The following GNB1L variants were observed in gnomAD, a reference collection of about 807,000 sequenced individuals.
GNB1L encodes guanine nucleotide-binding protein subunit beta-like protein 1.
A neutral mutation model predicts 29.1 loss-of-function variants in GNB1L; 20 were observed. The observed-to-expected ratio is 0.69, with a 90% CI of 0.48 to 1.00. GNB1L has a LOEUF of 1.00. Ranked by LOEUF, GNB1L falls within the 50% of genes least tolerant of loss-of-function variation. The pLI is 0.00. For missense variants in GNB1L, 421 were observed against 464.9 expected (o/e 0.91, Z 0.87); for synonymous variants, 193 against 206.5 (o/e 0.93, Z 0.56).
intron 2 of GNB1L, chr22:19,847,568 G>A: frequency 1.0e-6 from 1 of 985,228 alleles, no homozygotes. Context: ...GAGGGGAGGA[G>A]GCAAGGCCAA....
Position 19,799,616 on chromosome 22 carries a change from G to C in GNB1L, c.732+2385C>G, listed in dbSNP as rs140018048. Among the ~76,000 whole-genome samples the C allele has an allele frequency of 2.5e-3, 386 of 152,324 alleles. 1 individual carries two copies. Among genetic ancestry groups the C allele is most frequent in the African/African-American group, 8.9e-3 (371 of 41,582 alleles). On this transcript the variant is annotated intron_variant, in intron 7 of 7. Transcript: ENST00000329517. ...CGCGTCTCTACTCCCAGCACCCGCC[G>C]GGGGGAGACTGATCTGGGCTCATCA...
At chr22:19,793,400 G>C (rs564779410) in intron 7 of GNB1L, among the ~76,000 whole-genome samples, 27 of 152,198 alleles carry the variant, frequency 1.8e-4, no homozygotes, top group African/African-American at 6.0e-4. Context: ...AATCTGAAGA[G>C]AGAAAAAACG....
intron 7 of GNB1L, among the ~76,000 whole-genome samples, chr22:19,792,019 CTG>C (rs1457875337): frequency 6.6e-6 from 1 of 152,218 alleles, no homozygotes; most frequent in African/African-American, 2.4e-5. Flanking sequence ...CAGTCAGTAA[CTG>C]AACTCCATAC....
chr22:19,841,136 C>A (rs1399530587), intron 2 of GNB1L, among the ~76,000 whole-genome samples: 1 of 152,186 alleles, frequency 6.6e-6, no homozygotes, highest in Admixed American at 6.5e-5. Flanking sequence ...GGACTTTGGT[C>A]ACTAACAATG....
rs1638848343 is a variant in GNB1L at position 19,783,610 on chromosome 22, C to A, written c.*5099G>T. On this transcript the variant is annotated 3_prime_UTR_variant, in exon 8 of 8. Transcript: ENST00000329517. ...ACCAAAAAACAAAACAGCTTATGAG[C>A]ACCTCCTACTAATTTCCTCAGCTTA... is the stretch of plus-strand genomic sequence containing the variant. 5.9e-6 allele frequency: 1 copy of A among 170,586 alleles called. No homozygotes were observed. Among genetic ancestry groups the A allele is most frequent in the African/African-American group, 2.4e-5 (1 of 41,686 alleles). 10.6% of individuals were successfully genotyped at this position (170,586 alleles called of 1,614,324 possible).
chr22:19,816,905 T>C lies in GNB1L; in HGVS notation c.254+3693A>G, dbSNP rs1910051256. Among the ~76,000 whole-genome samples the C allele has an allele frequency of 6.6e-6, 1 of 152,148 alleles. No homozygotes were observed. Among genetic ancestry groups the C allele is most frequent in the Non-Finnish European group, 1.5e-5 (1 of 68,026 alleles). On this transcript the variant is annotated intron_variant, in intron 4 of 7. Coordinates refer to ENST00000329517, the MANE Select transcript of GNB1L (RefSeq NM_053004.3). This position sits in a 1 kb window ranked among gnomAD's most constrained non-coding sequence, Gnocchi z 4.4. ...CACCACCCCCCCAACCCTGCTTCTTTGACTGCCTGGCACCCCCTTCCCACC... is the reference window on the plus strand; with the variant it reads ...CACCACCCCCCCAACCCTGCTTCTTCGACTGCCTGGCACCCCCTTCCCACC...
At chr22:19,809,305 G>A (rs753576889) in intron 5 of GNB1L, among the ~76,000 whole-genome samples, 3 of 152,134 alleles carry the variant, frequency 2.0e-5, no homozygotes, top group East Asian at 1.9e-4. Context: ...GAATCTGGCC[G>A]GGCAGTTGGA....
chr22:19,851,248 C>T, intron 2 of GNB1L: 2 of 1,606,316 alleles, frequency 1.2e-6, no homozygotes, highest in Middle Eastern at 1.7e-4. Context: ...AGGACACCTC[C>T]TGGTCTCCCT....
In GNB1L at chr22:19,844,896, C is replaced by A. The variant is rs533283180; in HGVS notation, c.-21+9547G>T. On this transcript the variant is annotated intron_variant, in intron 2 of 7. Transcript: ENST00000329517. ...ACCAGTTCAGCCTCTGCTCAGAGGCCTGGTTCATGTAGGCCAGCTGCCGAT... is the reference window on the plus strand; with the variant it reads ...ACCAGTTCAGCCTCTGCTCAGAGGCATGGTTCATGTAGGCCAGCTGCCGAT... Among the ~76,000 whole-genome samples, 107 of 152,352 alleles carry A rather than the reference C, an allele frequency of 7.0e-4. 1 individual carries two copies. The highest frequency in any genetic ancestry group is 6.4e-3 in the Admixed American group (98 of 15,308).
intron 2 of GNB1L, among the ~76,000 whole-genome samples, chr22:19,822,652 C>A (rs1248718617): frequency 2.8e-4 from 43 of 152,208 alleles, no homozygotes; most frequent in Non-Finnish European, 1.5e-5. Context: ...CAGCCACCTG[C>A]AGCCTGCACA....
At chr22:19,830,271 A>G (rs1286798314) in intron 2 of GNB1L, among the ~76,000 whole-genome samples, 3 of 152,148 alleles carry the variant, frequency 2.0e-5, no homozygotes, top group Non-Finnish European at 4.4e-5. Flanking sequence ...AAAGCCATAG[A>G]AAATCAATGA....
At chr22:19,852,107 C>G in intron 2 of GNB1L, 3 of 1,614,250 alleles carry the variant, frequency 1.9e-6, no homozygotes, top group Non-Finnish European at 2.5e-6. Context: ...GGTGTCCCCA[C>G]AGCAGGGCCG....
chr22:19,835,844 T>TG (rs1291105664), intron 2 of GNB1L, among the ~76,000 whole-genome samples: 1 of 152,202 alleles, frequency 6.6e-6, no homozygotes, highest in Non-Finnish European at 1.5e-5. Flanking sequence ...CAAGGGAAAT[T>TG]AGAAAATATC....
chr22:19,833,583 G>T (rs1188665117), intron 2 of GNB1L, among the ~76,000 whole-genome samples: 2 of 152,054 alleles, frequency 1.3e-5, no homozygotes, highest in African/African-American at 4.8e-5. Context: ...AATAAAATAG[G>T]CCGGACGCGG....
At chr22:19,813,713 G>A (rs1937514935) in intron 4 of GNB1L, among the ~76,000 whole-genome samples, 1 of 151,956 alleles carries the variant, frequency 6.6e-6, no homozygotes, top group African/African-American at 2.4e-5. Flanking sequence ...ATAAAATAAA[G>A]ACTGGGTGCG....
At chr22:19,795,717 C>T (rs1381227477) in intron 7 of GNB1L, among the ~76,000 whole-genome samples, 1 of 152,200 alleles carries the variant, frequency 6.6e-6, no homozygotes, top group Non-Finnish European at 1.5e-5. Flanking sequence ...TAAGTCAAAG[C>T]CAATGAGACT....
At chr22:19,845,561 C>A (rs557995861) in intron 2 of GNB1L, among the ~76,000 whole-genome samples, 1 of 152,242 alleles carries the variant, frequency 6.6e-6, no homozygotes, top group Non-Finnish European at 1.5e-5. Flanking sequence ...CCACAGGCCC[C>A]AGCCCTGTGC....
chr22:19,791,789 G>A (rs986183719), intron 7 of GNB1L, among the ~76,000 whole-genome samples: 1 of 152,224 alleles, frequency 6.6e-6, no homozygotes, highest in African/African-American at 2.4e-5. Context: ...GACCAGCTGA[G>A]CTACCAGAAC....
chr22:19,793,910 T>C (rs1937278332), intron 7 of GNB1L, among the ~76,000 whole-genome samples: 1 of 152,208 alleles, frequency 6.6e-6, no homozygotes, highest in Admixed American at 6.5e-5. Context: ...CTTGGGTCTA[T>C]AGGATGAGCA....
Sources: allele counts gnomAD v4.1 joint callset (sites outside exome capture counted in the v4.1 genomes callset), GRCh38; gene constraint gnomAD v4.1.1; non-coding constraint Gnocchi (gnomAD v3.1); transcripts MANE v1.5; gene names NCBI Gene and HGNC (gene_info 2026-07-23, HGNC 2026-07-21).